ASXL3: variants seen among roughly 807,000 people sequenced by gnomAD.
The protein encoded by ASXL3 is putative Polycomb group protein ASXL3.
Under a neutral mutation model 170.6 loss-of-function variants are expected in ASXL3, and 34 were observed. The observed-to-expected ratio is 0.20, with a 90% CI of 0.15 to 0.27. The LOEUF (loss-of-function observed/expected upper bound fraction) is 0.27. Among genes scored for constraint, ASXL3 ranks in the 10% least tolerant of loss-of-function variants. The pLI, the probability that ASXL3 is intolerant of heterozygous loss-of-function variation, is 1.00. For missense variants in ASXL3, 2,592 were observed against 2,695.3 expected, an observed-to-expected ratio of 0.96 and a Z score of 0.85; for synonymous variants, 1,002 against 989.1, an observed-to-expected ratio of 1.01 and a Z score of -0.24.
intron 8 of ASXL3, among the ~76,000 whole-genome samples, chr18:33,729,644 A>C (rs761576717): frequency 1.4e-4 from 22 of 152,148 alleles, no homozygotes; most frequent in Non-Finnish European, 2.8e-4. Flanking sequence ...TGAAAATAAC[A>C]AGACTTATGA....
chr18:33,678,723 T>G (rs1330066402), intron 7 of ASXL3, among the ~76,000 whole-genome samples: 1 of 152,208 alleles, frequency 6.6e-6, no homozygotes, highest in Non-Finnish European at 1.5e-5. Flanking sequence ...CTCTGGGTAC[T>G]ATAGGGAGAT....
intron 2 of ASXL3, among the ~76,000 whole-genome samples, chr18:33,612,080 C>T (rs542541360): frequency 6.6e-6 from 1 of 152,086 alleles, no homozygotes; most frequent in African/African-American, 2.4e-5. Flanking sequence ...ATTATCATTA[C>T]AAGATACCTG....
chr18:33,745,036 G>A lies in ASXL3; in HGVS notation c.5188G>A (p.Val1730Ile). 1 of 1,614,032 alleles carries A rather than the reference G, an allele frequency of 6.2e-7. No homozygotes were observed. The highest frequency in any genetic ancestry group is 8.5e-7 in the Non-Finnish European group (1 of 1,179,906). Residue 1730 changes from valine (V) to isoleucine (I), a missense_variant, in exon 12 of 12, where the codon GTC (valine) becomes ATC (isoleucine). This residue lies in a region of ASXL3 where 2,246 missense variants were observed against 2,219.6 expected (regional missense o/e 1.01). Transcript: ENST00000269197. ...ISLATDALKRVPGAGSSGCRL... is the reference protein window; with the variant it reads ...ISLATDALKRIPGAGSSGCRL... The stretch of plus-strand genomic sequence containing the variant: ...CTTGGCTACCGATGCCCTGAAGAGA[G>A]TCCCTGGTGCAGGGAGCTCAGGCTG...
chr18:33,731,884 C>A (rs1365719986), intron 8 of ASXL3, 84 bp from the exon 9 acceptor site: 8 of 1,002,710 alleles, frequency 8.0e-6, no homozygotes, highest in Non-Finnish European at 1.2e-5. Flanking sequence ...TGCCCAACAC[C>A]ACTCAATTTT....
intron 7 of ASXL3, among the ~76,000 whole-genome samples, chr18:33,676,981 A>C (rs2066440621): frequency 1.3e-5 from 2 of 152,208 alleles, no homozygotes; most frequent in Non-Finnish European, 2.9e-5. Flanking sequence ...CTAAAATGTA[A>C]GTTCCTTGAA....
At chr18:33,698,067 G>A (rs982776525) in intron 8 of ASXL3, among the ~76,000 whole-genome samples, 3 of 152,022 alleles carry the variant, frequency 2.0e-5, no homozygotes, top group South Asian at 2.1e-4. Flanking sequence ...TATCCCTCCT[G>A]GATTTAAATG....
In ASXL3 at chr18:33,739,129, G is replaced by T. The variant is rs373327656; in HGVS notation, c.1725G>T (p.Gly575=). 22 of 1,613,430 alleles carry T rather than the reference G, an allele frequency of 1.4e-5. No homozygotes were observed. The highest frequency in any genetic ancestry group is 2.2e-5 in the East Asian group (1 of 44,860). ...VETSTPKIKT[G]SSSLEGQFPN... is the part of the protein sequence containing the mutation. ...CCAGTACCCCCAAAATAAAAACAGGGTCATCTTCTCTAGAAGGCCAGTTTC... is the reference window on the plus strand; with the variant it reads ...CCAGTACCCCCAAAATAAAAACAGGTTCATCTTCTCTAGAAGGCCAGTTTC... Residue 575 remains glycine (G), a synonymous_variant, in exon 11 of 12, where the codon GGG becomes GGT. Transcript: ENST00000269197.
At chr18:33,681,552 T>C (rs1036081414) in intron 7 of ASXL3, among the ~76,000 whole-genome samples, 2 of 152,060 alleles carry the variant, frequency 1.3e-5, no homozygotes, top group Non-Finnish European at 2.9e-5. Context: ...TCCATCACAC[T>C]GTAATTTCTT....
Position 33,607,612 on chromosome 18 carries a change from A to G in ASXL3, c.73A>G (p.Asn25Asp). The change falls in exon 2 of 12, where the codon AAC (asparagine) becomes GAC (aspartate). Residue 25 changes from asparagine (N) to aspartate (D), a missense_variant. Asn to Asp is a conservative substitution (Grantham distance 23, BLOSUM62 1). Transcript: ENST00000269197. ...ATTTTAGGCACTAGAAAAACACCCC[A>G]ACTCACCAATGACAGCAAAGCAGAT... The part of the protein sequence containing the change: ...AARLALEKHP[N>D]SPMTAKQILE... 2 of 1,588,794 alleles carry G rather than the reference A, an allele frequency of 1.3e-6. No individual in the cohort carries two copies. The highest frequency in any genetic ancestry group is 1.7e-6 in the Non-Finnish European group (2 of 1,166,646).
At chr18:33,640,224 AT>A (rs1453445545) in intron 2 of ASXL3, among the ~76,000 whole-genome samples, 1 of 152,058 alleles carries the variant, frequency 6.6e-6, no homozygotes, top group Non-Finnish European at 1.5e-5. Flanking sequence ...TTGTATTGGA[AT>A]TATTCAGCTA....
At chr18:33,656,174 A>T (rs1470406185) in intron 4 of ASXL3, among the ~76,000 whole-genome samples, 1 of 152,072 alleles carries the variant, frequency 6.6e-6, no homozygotes, top group Non-Finnish European at 1.5e-5. Context: ...TTCCTAATAC[A>T]CTATGTATCC....
Position 33,740,282 on chromosome 18 carries a change from G to A in ASXL3, c.2878G>A (p.Glu960Lys). The A allele has an allele frequency of 6.2e-7, 1 of 1,612,776 alleles. No individual in the cohort carries two copies. The highest frequency in any genetic ancestry group is 8.5e-7 in the Non-Finnish European group (1 of 1,179,298). The change falls in exon 11 of 12, where the codon GAG (glutamate) becomes AAG (lysine). Residue 960 changes from glutamate to lysine, a missense_variant. By Grantham distance (56) the Glu-to-Lys change is moderately conservative. Transcript: ENST00000269197. ...DGIRNESRDSEISKRKTAEQH... is the reference protein window; with the variant it reads ...DGIRNESRDSKISKRKTAEQH... Reference sequence around the variant, plus strand: ...GATAAGAAATGAAAGTAGAGATTCAGAGATATCAAAGAGAAAAACTGCAGA... The same window carrying A: ...GATAAGAAATGAAAGTAGAGATTCAAAGATATCAAAGAGAAAAACTGCAGA...
At chr18:33,579,627 A>G (rs1309908790) in intron 1 of ASXL3, among the ~76,000 whole-genome samples, 1 of 151,224 alleles carries the variant, frequency 6.6e-6, no homozygotes, top group Non-Finnish European at 1.5e-5. Flanking sequence ...TTTTCTTCCT[A>G]TCTTCTTTTA....
chr18:33,711,354 C>T (rs1477404485), intron 8 of ASXL3, among the ~76,000 whole-genome samples: 1 of 152,050 alleles, frequency 6.6e-6, no homozygotes, highest in Non-Finnish European at 1.5e-5. Flanking sequence ...TGCAATATGC[C>T]TTAAAGTTGC....
At chr18:33,632,172 A>T (rs1201881352) in intron 2 of ASXL3, among the ~76,000 whole-genome samples, 8 of 152,104 alleles carry the variant, frequency 5.3e-5, no homozygotes, top group Admixed American at 6.6e-5. Context: ...GAGTAGAGAG[A>T]TTTATTCTGG....
rs145101980 is a variant in ASXL3 at position 33,584,729 on chromosome 18, A to G, written c.54+6044A>G. Among the ~76,000 whole-genome samples, 360 of 152,290 alleles carry G rather than the reference A, an allele frequency of 2.4e-3. 2 individuals carry two copies. The highest frequency in any genetic ancestry group is 8.4e-3 in the African/African-American group (350 of 41,564). On this transcript the variant is annotated intron_variant, in intron 1 of 11. Coordinates refer to ENST00000269197, the MANE Select transcript of ASXL3 (RefSeq NM_030632.3). ...TTGAGATTAGTCAGTAGCTAGGACTATCCCAGTAACTGTCTCTGAGAGTGG... is the reference window on the plus strand; with the variant it reads ...TTGAGATTAGTCAGTAGCTAGGACTGTCCCAGTAACTGTCTCTGAGAGTGG...
intron 2 of ASXL3, among the ~76,000 whole-genome samples, chr18:33,637,984 T>C (rs909556209): frequency 1.3e-5 from 2 of 152,126 alleles, no homozygotes; most frequent in Non-Finnish European, 2.9e-5. Flanking sequence ...ATTTCAAGAT[T>C]AGCTTGACAT....
intron 1 of ASXL3, 61 bp from the exon 2 acceptor site, chr18:33,607,533 A>G: frequency 1.5e-6 from 2 of 1,319,392 alleles, no homozygotes; most frequent in East Asian, 2.5e-5. Flanking sequence ...CATGATTCAC[A>G]TACATTTTCA....
intron 1 of ASXL3, among the ~76,000 whole-genome samples, chr18:33,593,682 A>G (rs1441540274): frequency 6.6e-6 from 1 of 152,074 alleles, no homozygotes; most frequent in Non-Finnish European, 1.5e-5. Context: ...GTTTTTCCCA[A>G]TCCTTCTCAC....
Sources: allele counts gnomAD v4.1 joint callset (sites outside exome capture counted in the v4.1 genomes callset), GRCh38; gene constraint gnomAD v4.1.1; regional missense constraint gnomAD v4.1.1; transcripts MANE v1.5; gene names NCBI Gene and HGNC (gene_info 2026-07-23, HGNC 2026-07-21).